The following DNAH14 variants were observed in gnomAD, a reference collection of about 807,000 sequenced individuals.
DNAH14 encodes the protein axonemal beta dynein heavy chain 14.
In DNAH14, 478 loss-of-function variants were observed where a neutral mutation model predicts 520.9. That is an observed-to-expected ratio of 0.92 (90% CI 0.85 to 0.99). The LOEUF is 0.99. Among genes scored for constraint, DNAH14 ranks in the 50% least tolerant of loss-of-function variants. The pLI is 0.00. For synonymous variants in DNAH14, 1,581 were observed against 1,757.2 expected, an observed-to-expected ratio of 0.90 and a Z score of 2.51; for missense variants, 4,831 against 5,234.5, an observed-to-expected ratio of 0.92 and a Z score of 2.38.
chr1:225,322,085 CTTTTT>C (rs3047035), intron 61 of DNAH14, among the ~76,000 whole-genome samples: 1,450 of 90,082 alleles, frequency 0.016, 11 homozygotes, highest in African/African-American at 0.056. Context: ...TTTTTTCTTT[CTTTTT>C]TTTTTTTTTT....
chr1:225,225,249 G>T (rs1014015062), intron 41 of DNAH14, among the ~76,000 whole-genome samples: 1 of 152,136 alleles, frequency 6.6e-6, no homozygotes, highest in Non-Finnish European at 1.5e-5. Context: ...AATTAGTTAT[G>T]GCAAACAGAT....
At chr1:225,375,721 A>G (rs944183873) in intron 78 of DNAH14, among the ~76,000 whole-genome samples, 3 of 151,548 alleles carry the variant, frequency 2.0e-5, no homozygotes, top group Non-Finnish European at 4.4e-5. Context: ...TTTATGCACT[A>G]TTTGCTAAGG....
At chr1:225,283,409 C>A (rs2093667558) in intron 54 of DNAH14, among the ~76,000 whole-genome samples, 2 of 145,206 alleles carry the variant, frequency 1.4e-5, no homozygotes. Context: ...AGTAGACTTT[C>A]AGGAAAAAAT....
chr1:225,268,136 TG>T (rs1279915630), intron 49 of DNAH14, among the ~76,000 whole-genome samples: 1 of 152,176 alleles, frequency 6.6e-6, no homozygotes, highest in Non-Finnish European at 1.5e-5. Flanking sequence ...AATAACATAT[TG>T]CTTATTTTTT....
chr1:224,975,939 T>C (rs1373576933), intron 8 of DNAH14, among the ~76,000 whole-genome samples: 1 of 152,054 alleles, frequency 6.6e-6, no homozygotes, highest in Non-Finnish European at 1.5e-5. Context: ...TTGTTCTCGT[T>C]GGTTTCAAAG....
chr1:225,152,019 G>A lies in DNAH14; in HGVS notation c.4955G>A (p.Gly1652Glu), dbSNP rs954543297. 2 of 1,551,454 alleles carry A rather than the reference G, an allele frequency of 1.3e-6. No individual in the cohort carries two copies. Among genetic ancestry groups the A allele is most frequent in the Admixed American group, 2.0e-5 (1 of 50,970 alleles). ...DNYSARFVLE[G>E]KEIRINMSCA... ...ATGTCTTTTAGGTTTGTACTGGAAG[G>A]AAAAGAAATTCGTATCAATATGTCT... The change falls in exon 32 of 86, where the codon GGA becomes GAA. Residue 1652 changes from glycine (G) to glutamate (E), a missense_variant. Gly to Glu is a moderately conservative substitution (Grantham distance 98, BLOSUM62 -2). Coordinates refer to ENST00000682510, the MANE Select transcript of DNAH14 (RefSeq NM_001367479.1).
At chr1:225,332,808 A>G (rs926299061) in intron 65 of DNAH14, among the ~76,000 whole-genome samples, 14 of 147,940 alleles carry the variant, frequency 9.5e-5, no homozygotes, top group African/African-American at 3.3e-4. Context: ...CAACCGGGCA[A>G]TGTAGCAAGA....
chr1:225,000,107 A>G (rs1458130555), intron 8 of DNAH14, among the ~76,000 whole-genome samples: 1 of 152,170 alleles, frequency 6.6e-6, no homozygotes, highest in Non-Finnish European at 1.5e-5. Context: ...GTTAGTATAC[A>G]GGTTCTACTT....
intron 75 of DNAH14, among the ~76,000 whole-genome samples, chr1:225,364,418 A>G (rs1330209123): frequency 6.6e-6 from 1 of 152,078 alleles, no homozygotes; most frequent in African/African-American, 2.4e-5. Context: ...TTATATCAGT[A>G]TGGTCTCATG....
chr1:225,039,410 G>A (rs1245122521), intron 12 of DNAH14, among the ~76,000 whole-genome samples: 1 of 129,542 alleles, frequency 7.7e-6, no homozygotes, highest in African/African-American at 2.5e-5. Flanking sequence ...TTTTAGAATT[G>A]CCCCTAATAT....
chr1:225,247,028 A>G (rs2092323609), intron 43 of DNAH14, among the ~76,000 whole-genome samples: 1 of 152,242 alleles, frequency 6.6e-6, no homozygotes, highest in African/African-American at 2.4e-5. Flanking sequence ...CATATACACC[A>G]TGGAATACTA....
rs1256604545 is a variant in DNAH14, at chr1:225,050,508, C to T, written c.2079+132C>T. The T allele has an allele frequency of 7.2e-6, 7 of 970,682 alleles. No homozygotes were observed. The Admixed American group carries it at 2.6e-4, about 36-fold the overall frequency. 60.1% of individuals were successfully genotyped at this position (970,682 alleles called of 1,614,324 possible). A position where few individuals can be genotyped will look rare whatever the true frequency, so the allele number is the denominator to read the frequency against. The stretch of plus-strand genomic sequence containing the variant: ...AATTGAAAAATCATTTCCAGCTTAT[C>T]TCCCCATTTGTTTTTCCCATGATCT... On this transcript the variant is annotated intron_variant, in intron 16 of 85. Transcript: ENST00000682510.
chr1:225,039,657 T>G (rs920351819), intron 12 of DNAH14, among the ~76,000 whole-genome samples: 6 of 151,630 alleles, frequency 4.0e-5, no homozygotes, highest in African/African-American at 1.4e-4. Flanking sequence ...AGATTTAAAC[T>G]TTATATGTTA....
intron 38 of DNAH14, among the ~76,000 whole-genome samples, chr1:225,202,615 T>G (rs1462639885): frequency 1.3e-5 from 2 of 152,130 alleles, no homozygotes; most frequent in East Asian, 1.9e-4. Context: ...GCTACCCATC[T>G]CCCAGCTGCA....
intron 81 of DNAH14, among the ~76,000 whole-genome samples, chr1:225,384,653 G>C (rs151310949): frequency 1.1e-3 from 165 of 152,038 alleles, no homozygotes; most frequent in African/African-American, 3.8e-3. Context: ...TCCTGGACAG[G>C]TACACCCTCC....
chr1:225,291,921 GT>G (rs1344386681), intron 55 of DNAH14, among the ~76,000 whole-genome samples: 2 of 151,730 alleles, frequency 1.3e-5, no homozygotes, highest in Non-Finnish European at 2.9e-5. Context: ...ATCAGGTTTT[GT>G]TTTGTTTTTC....
At chr1:225,007,980 T>C (rs371555105) in intron 10 of DNAH14, among the ~76,000 whole-genome samples, 3 of 151,496 alleles carry the variant, frequency 2.0e-5, no homozygotes, top group East Asian at 3.9e-4. Flanking sequence ...AATGTACAGG[T>C]TTGTTACATG....
intron 53 of DNAH14, among the ~76,000 whole-genome samples, chr1:225,276,983 A>AAGGGAGGAAGGG (rs2093488495): frequency 2.8e-5 from 1 of 35,572 alleles, no homozygotes; most frequent in African/African-American, 1.5e-4. Flanking sequence ...GGAAGGAAGG[A>AAGGGAGGAAGGG]AGGGAGGGAG....
At position 225,259,174 on chromosome 1, in the gene DNAH14, G is replaced by GA. The variant is rs1435383324; in HGVS notation, c.7079dup (p.Pro2362SerfsTer5). On this transcript the variant is annotated frameshift_variant, in exon 46 of 86. Transcript: ENST00000682510. LOFTEE classifies it high-confidence loss of function. The stretch of plus-strand genomic sequence containing the variant: ...CATTAATCAAATGCTTGAAAAGCTA[G>GA]AGGGTCCAGGAGCATTTGACATAAA... 3.9e-6 allele frequency: 6 copies of GA among 1,545,846 alleles called. No individual in the cohort carries two copies. Among genetic ancestry groups the GA allele is most frequent in the Non-Finnish European group, 5.2e-6 (6 of 1,145,014 alleles).
Sources: allele counts gnomAD v4.1 joint callset (sites outside exome capture counted in the v4.1 genomes callset), GRCh38; gene constraint gnomAD v4.1.1; transcripts MANE v1.5; gene names NCBI Gene and HGNC (gene_info 2026-07-23, HGNC 2026-07-21).